Variants in ZNF721 observed in about 807,000 individuals in gnomAD.
The protein encoded by ZNF721 is zinc finger protein 721.
A neutral mutation model predicts 2.4 loss-of-function variants in ZNF721; 2 were observed. The ratio of observed to expected loss-of-function variants is 0.82; its 90% CI spans 0.34 to 2.58. The LOEUF (loss-of-function observed/expected upper bound fraction) is 2.58. Among genes scored for constraint, ZNF721 ranks in the 30% most tolerant of loss-of-function variants. ZNF721 has a pLI of 0.11. For missense variants in ZNF721, 1,187 were observed against 1,085.5 expected, an observed-to-expected ratio of 1.09 and a Z score of -1.31; for synonymous variants, 398 against 381.8, an observed-to-expected ratio of 1.04 and a Z score of -0.50.
At chr4:458,151 C>G (rs1714902302) in intron 2 of ZNF721, among the ~76,000 whole-genome samples, 1 of 152,210 alleles carries the variant, frequency 6.6e-6, no homozygotes, top group Non-Finnish European at 1.5e-5. Flanking sequence ...TGATTTGTAT[C>G]AGCACCTTAA....
intron 1 of ZNF721, among the ~76,000 whole-genome samples, chr4:479,868 C>T (rs1389700932): frequency 1.3e-5 from 2 of 152,216 alleles, no homozygotes; most frequent in African/African-American, 2.4e-5. Context: ...CATGTGTGCA[C>T]ATATCCATTT....
chr4:491,721 A>G (rs1716026582), intron 1 of ZNF721, among the ~76,000 whole-genome samples: 1 of 152,244 alleles, frequency 6.6e-6, no homozygotes, highest in Non-Finnish European at 1.5e-5. Flanking sequence ...AGACTACGTC[A>G]TGACAAAGGA....
At chr4:467,717 C>T (rs1715295951) in intron 2 of ZNF721, among the ~76,000 whole-genome samples, 1 of 152,234 alleles carries the variant, frequency 6.6e-6, no homozygotes, top group Admixed American at 6.5e-5. Context: ...ACCCTGGAGG[C>T]AGGCCTGCAG....
intron 2 of ZNF721, among the ~76,000 whole-genome samples, chr4:457,553 AAAGGCCTTTAG>A (rs1714885091): frequency 6.6e-6 from 1 of 152,190 alleles, no homozygotes; most frequent in South Asian, 2.1e-4. Flanking sequence ...GCCTCAGGTG[AAAGGCCTTTAG>A]AAGTTGGTTC....
chr4:473,762 T>G (rs1190030231), intron 1 of ZNF721, among the ~76,000 whole-genome samples: 1 of 152,154 alleles, frequency 6.6e-6, no homozygotes, highest in African/African-American at 2.4e-5. Flanking sequence ...GGTGCAGGGT[T>G]GCGGCGCAGA....
At chr4:489,421 T>C (rs1296390006) in intron 1 of ZNF721, among the ~76,000 whole-genome samples, 2 of 152,214 alleles carry the variant, frequency 1.3e-5, no homozygotes, top group Admixed American at 1.3e-4. Flanking sequence ...CTGGTGTCTG[T>C]ATGTCTTATT....
chr4:466,352 T>A (rs1015946092), intron 2 of ZNF721, among the ~76,000 whole-genome samples: 1 of 152,212 alleles, frequency 6.6e-6, no homozygotes. Context: ...AATACCTTTT[T>A]GGAAAATTTA....
At chr4:472,458 T>C (rs531618090) in intron 2 of ZNF721, 117 bp downstream of exon 2, 34 of 1,139,120 alleles carry the variant, frequency 3.0e-5, no homozygotes, top group Admixed American at 2.2e-4. Flanking sequence ...ATAACTTACA[T>C]AGCTGTGTGT....
At chr4:492,829 A>G (rs1338507146) in intron 1 of ZNF721, among the ~76,000 whole-genome samples, 1 of 150,660 alleles carries the variant, frequency 6.6e-6, no homozygotes, top group Admixed American at 6.6e-5. Context: ...TATTTTTGTA[A>G]CTTTATTTAC....
intron 2 of ZNF721, among the ~76,000 whole-genome samples, chr4:445,830 A>C (rs1324658233): frequency 2.6e-5 from 4 of 152,220 alleles, no homozygotes; most frequent in African/African-American, 7.2e-5. Flanking sequence ...AGTTTGAAAA[A>C]TCAAACACAA....
In ZNF721 at chr4:440,984, A is replaced by C. The variant is rs1357081630; in HGVS notation, c.*711T>G. On this transcript the variant is annotated 3_prime_UTR_variant, in exon 3 of 3. Coordinates refer to ENST00000511833, the MANE Select transcript of ZNF721 (RefSeq NM_133474.4). ...CCTGGCCTCTGGTTTCTTAACCTGC[A>C]GTTTCTGAACAGAGGTTTTTCCACA... The C allele has an allele frequency of 2.0e-5, 3 of 152,214 alleles. No homozygotes were observed. The highest frequency in any genetic ancestry group is 7.2e-5 in the African/African-American group (3 of 41,408). The allele number at this position is 152,214 out of a possible 1,614,324, so 9.4% of individuals were successfully genotyped here.
intron 1 of ZNF721, among the ~76,000 whole-genome samples, chr4:494,398 G>A (rs144877538): frequency 0.025 from 3,768 of 151,922 alleles, 46 homozygotes; most frequent in Middle Eastern, 0.058. Context: ...ATGTTAGCCA[G>A]GATGGTCTCG....
intron 2 of ZNF721, among the ~76,000 whole-genome samples, chr4:454,452 G>A (rs1576957576): frequency 6.6e-6 from 1 of 152,208 alleles, no homozygotes; most frequent in East Asian, 1.9e-4. Context: ...AAAACTGAAT[G>A]GCATTAGATA....
At chr4:484,524 A>G (rs549627584) in intron 1 of ZNF721, among the ~76,000 whole-genome samples, 127 of 152,338 alleles carry the variant, frequency 8.3e-4, no homozygotes, top group South Asian at 5.4e-3. Flanking sequence ...TCAGCAAGGA[A>G]CGTCCCTGAG....
chr4:495,056 G>T (rs555902624), intron 1 of ZNF721, among the ~76,000 whole-genome samples: 1 of 151,786 alleles, frequency 6.6e-6, no homozygotes, highest in African/African-American at 2.4e-5. Context: ...CTAATTTTTC[G>T]TATTTTTAAT....
intron 1 of ZNF721, among the ~76,000 whole-genome samples, chr4:492,378 C>A (rs1010176695): frequency 1.3e-5 from 2 of 151,990 alleles, no homozygotes; most frequent in African/African-American, 4.8e-5. Flanking sequence ...GAAAATGTAT[C>A]TTTTCAAAGG....
At chr4:491,206 T>A (rs1716011610) in intron 1 of ZNF721, among the ~76,000 whole-genome samples, 1 of 152,256 alleles carries the variant, frequency 6.6e-6, no homozygotes, top group Admixed American at 6.5e-5. Context: ...GGCGGGTAGA[T>A]CACGAGGTCA....
Position 441,563 on chromosome 4 carries a change from T to C in ZNF721, c.*132A>G. On this transcript the variant is annotated 3_prime_UTR_variant, in exon 3 of 3. Transcript: ENST00000511833. ...TAGAGTTTCTCTTCATTATGAATTA[T>C]CTTATGATTAGAAAGGATTGAGGAG... 1.4e-6 allele frequency: 1 copy of C among 737,812 alleles called. No individual in the cohort carries two copies. The highest frequency in any genetic ancestry group is 2.1e-6 in the Non-Finnish European group (1 of 467,510). 45.7% of individuals were successfully genotyped at this position (737,812 alleles called of 1,614,324 possible). A position where few individuals can be genotyped will look rare whatever the true frequency, so the allele number is the denominator to read the frequency against.
intron 1 of ZNF721, among the ~76,000 whole-genome samples, chr4:490,271 TC>T (rs1715988498): frequency 6.6e-6 from 1 of 151,444 alleles, no homozygotes; most frequent in African/African-American, 2.4e-5. Flanking sequence ...GGTGAGGAGA[TC>T]GAGACCATCC....
Sources: gnomAD v4.1 joint callset for allele counts (sites outside exome capture counted in the v4.1 genomes callset) on GRCh38, gnomAD v4.1.1 for gene constraint, MANE v1.5 for transcripts, NCBI Gene and HGNC (gene_info 2026-07-23, HGNC 2026-07-21) for gene names.